The following KCNQ5 variants were observed in gnomAD, a reference collection of about 807,000 sequenced individuals.
KCNQ5 encodes the protein potassium voltage-gated channel subfamily Q member 5.
Under a neutral mutation model 98.2 loss-of-function variants are expected in KCNQ5, and 30 were observed. The ratio of observed to expected loss-of-function variants is 0.31; its 90% CI spans 0.23 to 0.41. The LOEUF (loss-of-function observed/expected upper bound fraction) is 0.41. Ranked by LOEUF, KCNQ5 falls within the 10% of genes least tolerant of loss-of-function variation. The pLI is 1.00. For synonymous variants in KCNQ5, 458 were observed against 449.4 expected, an observed-to-expected ratio of 1.02 and a Z score of -0.24; for missense variants, 835 against 1,182.5, an observed-to-expected ratio of 0.71 and a Z score of 4.31.
chr6:72,630,113 TTG>T (rs1388687687), intron 1 of KCNQ5, among the ~76,000 whole-genome samples: 9 of 152,184 alleles, frequency 5.9e-5, no homozygotes, highest in Admixed American at 5.2e-4. Flanking sequence ...AGCAGAGAAT[TTG>T]TGTTAGTGTA....
At chr6:72,634,037 G>A (rs895694883) in intron 1 of KCNQ5, among the ~76,000 whole-genome samples, 1 of 152,196 alleles carries the variant, frequency 6.6e-6, no homozygotes, top group South Asian at 2.1e-4. Context: ...TGACAAGTGG[G>A]ACCTAATTAA....
chr6:72,850,019 C>T (rs771002412), intron 1 of KCNQ5, among the ~76,000 whole-genome samples: 2 of 152,112 alleles, frequency 1.3e-5, no homozygotes, highest in Admixed American at 6.6e-5. Context: ...TTTTTGAAGA[C>T]GTCAACTTAT....
intron 1 of KCNQ5, among the ~76,000 whole-genome samples, chr6:72,640,359 A>G (rs558934652): frequency 1.3e-5 from 2 of 151,706 alleles, no homozygotes; most frequent in South Asian, 2.1e-4. Context: ...TAATTTTTAT[A>G]CTTTGTAACC....
chr6:73,157,663 G>T (rs1329540129), intron 10 of KCNQ5: 1 of 775,536 alleles, frequency 1.3e-6, no homozygotes, highest in African/African-American at 1.7e-5. Flanking sequence ...GCTCTGTGGT[G>T]TACAAAGGAT....
At chr6:72,666,831 T>G (rs1182099460) in intron 1 of KCNQ5, among the ~76,000 whole-genome samples, 1 of 152,188 alleles carries the variant, frequency 6.6e-6, no homozygotes, top group African/African-American at 2.4e-5. Flanking sequence ...ATTAAGTATA[T>G]TCATGATATA....
chr6:72,870,551 G>A (rs752463101), intron 1 of KCNQ5, among the ~76,000 whole-genome samples: 23 of 151,984 alleles, frequency 1.5e-4, no homozygotes, highest in Admixed American at 3.3e-4. Flanking sequence ...GCACCCAGCC[G>A]GGTGGCATAT....
chr6:72,845,191 G>A (rs1159374552), intron 1 of KCNQ5, among the ~76,000 whole-genome samples: 1 of 152,170 alleles, frequency 6.6e-6, no homozygotes, highest in Admixed American at 6.5e-5. Flanking sequence ...TGCAGAGTAT[G>A]TATACAGTGA....
chr6:73,185,162 C>T (rs1160566921), intron 11 of KCNQ5, among the ~76,000 whole-genome samples: 1 of 152,146 alleles, frequency 6.6e-6, no homozygotes, highest in East Asian at 1.9e-4. Context: ...TTGTTGGAAT[C>T]ATAAAAATTT....
At chr6:72,873,029 G>C (rs1778276276) in intron 1 of KCNQ5, among the ~76,000 whole-genome samples, 1 of 152,034 alleles carries the variant, frequency 6.6e-6, no homozygotes, top group Non-Finnish European at 1.5e-5. Flanking sequence ...CATTTTTGTA[G>C]CGGCCCACTA....
chr6:73,115,827 A>G (rs1410765278), intron 7 of KCNQ5, among the ~76,000 whole-genome samples: 5 of 152,310 alleles, frequency 3.3e-5, no homozygotes, highest in Non-Finnish European at 7.4e-5. Flanking sequence ...ACATGGAGTC[A>G]AGAAAACAAG....
At chr6:72,888,275 C>T (rs9446781) in intron 1 of KCNQ5, among the ~76,000 whole-genome samples, 2 of 151,910 alleles carry the variant, frequency 1.3e-5, no homozygotes, top group Admixed American at 6.6e-5. Context: ...CTCAAAGATG[C>T]GGAAGTTGGC....
intron 1 of KCNQ5, among the ~76,000 whole-genome samples, chr6:72,624,124 T>A (rs1239737606): frequency 1.3e-5 from 2 of 152,218 alleles, no homozygotes; most frequent in Non-Finnish European, 1.5e-5. Flanking sequence ...CATCATTACA[T>A]CAAAAAGTAT....
Position 73,194,453 on chromosome 6 carries a change from T to C in KCNQ5, c.1838T>C (p.Val613Ala). ...LGRVVKVEKQ[V>A]QSIESKLDCL... ...TGTAACCATTTTCCTCACTTCTAGG[T>C]ACAGTCCATAGAATCCAAGCTGGAC... Residue 613 changes from valine to alanine, a missense_variant and splice_region_variant, in exon 14 of 14, where the codon GTA becomes GCA. By Grantham distance (64) the Val-to-Ala change is moderately conservative. Around this residue, in one of 10 missense-constraint regions of KCNQ5, gnomAD observed 416 missense variants for 446.9 expected, o/e 0.93. Transcript: ENST00000370398. The C allele has an allele frequency of 6.2e-7, 1 of 1,612,042 alleles. No homozygotes were observed. Among genetic ancestry groups the C allele is most frequent in the Non-Finnish European group, 8.5e-7 (1 of 1,178,496 alleles).
chr6:72,751,431 A>G (rs1771678828), intron 1 of KCNQ5, among the ~76,000 whole-genome samples: 1 of 151,698 alleles, frequency 6.6e-6, no homozygotes, highest in Non-Finnish European at 1.5e-5. Flanking sequence ...AGGGACCAAG[A>G]AAAAAACATA....
chr6:72,716,916 A>T (rs1268294044), intron 1 of KCNQ5, among the ~76,000 whole-genome samples: 2 of 152,238 alleles, frequency 1.3e-5, no homozygotes, highest in Non-Finnish European at 2.9e-5. Flanking sequence ...CATTTGATCC[A>T]CACAATGTTT....
intron 1 of KCNQ5, among the ~76,000 whole-genome samples, chr6:72,767,144 A>G (rs990618660): frequency 6.6e-6 from 1 of 152,054 alleles, no homozygotes; most frequent in African/African-American, 2.4e-5. Context: ...ATAAGTTTGT[A>G]GGAAAGGAAT....
chr6:73,125,094 G>A (rs1193884907), intron 9 of KCNQ5, among the ~76,000 whole-genome samples: 2 of 145,058 alleles, frequency 1.4e-5, no homozygotes, highest in Non-Finnish European at 3.0e-5. Context: ...CCACCTCTCT[G>A]TGACATCTCC....
intron 1 of KCNQ5, among the ~76,000 whole-genome samples, chr6:72,725,565 A>G (rs1770221451): frequency 6.6e-6 from 1 of 152,304 alleles, no homozygotes; most frequent in Middle Eastern, 3.4e-3. Flanking sequence ...AGAGTACACA[A>G]TTTTAATTAG....
At chr6:73,105,195 T>C in intron 5 of KCNQ5, 62 bp from the exon 6 acceptor site, 1 of 879,696 alleles carries the variant, frequency 1.1e-6, no homozygotes, top group South Asian at 1.8e-5. Flanking sequence ...TGCCTCCTGT[T>C]CATAGGTCCT....
Sources: gnomAD v4.1 joint callset for allele counts (sites outside exome capture counted in the v4.1 genomes callset) on GRCh38, gnomAD v4.1.1 for gene constraint, gnomAD v4.1.1 regional missense constraint, MANE v1.5 for transcripts, NCBI Gene and HGNC (gene_info 2026-07-23, HGNC 2026-07-21) for gene names.